The following MYO16 variants were observed in gnomAD, a reference collection of about 807,000 sequenced individuals.
MYO16 encodes the protein myosin XVI.
MYO16 carries 94 observed loss-of-function variants against 205.3 expected under a neutral mutation model. The ratio of observed to expected loss-of-function variants is 0.46; its 90% CI spans 0.39 to 0.54. The LOEUF (loss-of-function observed/expected upper bound fraction) is 0.54, where lower values mean the gene tolerates loss of function less well. MYO16 is among the 20% of genes least tolerant of loss of function. The probability of loss-of-function intolerance (pLI) is 0.00; values close to 1 mark genes in which losing one functional copy is unlikely to be tolerated. For missense variants in MYO16, 2,315 were observed against 2,387.5 expected (o/e 0.97, Z 0.63); for synonymous variants, 988 against 954.0 (o/e 1.04, Z -0.66).
At chr13:108,600,158 G>A (rs1878711636) in intron 1 of MYO16, among the ~76,000 whole-genome samples, 1 of 152,228 alleles carries the variant, frequency 6.6e-6, no homozygotes, top group African/African-American at 2.4e-5. Context: ...CAAAACTTTT[G>A]CCAACACTGC....
chr13:108,885,985 G>T lies in MYO16; in HGVS notation c.1554-2387G>T, dbSNP rs77078022. On this transcript the variant is annotated intron_variant, in intron 13 of 34. Transcript: ENST00000457511. ...TTCTGCAGAACTAGTTTTGCTTTGG[G>T]TCTTTTTTTTTTTGATATGGAGTCT... Among the ~76,000 whole-genome samples the T allele has an allele frequency of 3.1e-3, 469 of 151,918 alleles. 2 individuals are homozygous for T. The highest frequency in any genetic ancestry group is 0.011 in the African/African-American group (443 of 41,486).
At chr13:108,859,269 G>A (rs982756300) in intron 11 of MYO16, among the ~76,000 whole-genome samples, 1 of 151,946 alleles carries the variant, frequency 6.6e-6, no homozygotes, top group East Asian at 1.9e-4. Context: ...TCACTGCTAT[G>A]TATGACCCAT....
chr13:108,605,341 A>T (rs997749368), intron 1 of MYO16, among the ~76,000 whole-genome samples: 2 of 152,124 alleles, frequency 1.3e-5, no homozygotes, highest in East Asian at 1.9e-4. Flanking sequence ...GTGAAAAAAA[A>T]TCCCTTCCAA....
At chr13:108,785,521 A>G (rs1368099517) in intron 4 of MYO16, 114 bp from the exon 5 acceptor site, 1 of 526,786 alleles carries the variant, frequency 1.9e-6, no homozygotes, top group Non-Finnish European at 3.2e-6. Flanking sequence ...TCAGGGTGAT[A>G]TCTACCGTAG....
At chr13:108,668,840 A>G (rs1881858084) in intron 2 of MYO16, among the ~76,000 whole-genome samples, 2 of 152,126 alleles carry the variant, frequency 1.3e-5, no homozygotes, top group South Asian at 2.1e-4. Context: ...ATCATCTTGC[A>G]TAGCCGCAGA....
In MYO16 at chr13:109,055,004, C is replaced by A; in HGVS notation, c.3049-42C>A. On this transcript the variant is annotated intron_variant, in intron 25 of 34. Coordinates refer to ENST00000457511, the MANE Select transcript of MYO16 (RefSeq NM_001198950.3). The surrounding 1 kb of genome is among the most constrained non-coding windows in gnomAD (Gnocchi z 5.0). ...CTCCTTCTTCCTTTCCTTTCCTTTCCTTTCTTTTCTCCTGTCCTTCTTGTC... is the reference window on the plus strand; with the variant it reads ...CTCCTTCTTCCTTTCCTTTCCTTTCATTTCTTTTCTCCTGTCCTTCTTGTC... 7.9e-7 allele frequency: 1 copy of A among 1,271,284 alleles called. No homozygotes were observed. The highest frequency in any genetic ancestry group is 1.1e-6 in the Non-Finnish European group (1 of 916,886). 78.8% of individuals were successfully genotyped at this position (1,271,284 alleles called of 1,614,324 possible).
At chr13:108,874,177 G>A (rs948219108) in intron 12 of MYO16, among the ~76,000 whole-genome samples, 6 of 151,166 alleles carry the variant, frequency 4.0e-5, no homozygotes, top group Non-Finnish European at 8.8e-5. Context: ...CAAGTCAAGA[G>A]GTTAGAAGGG....
At chr13:108,720,367 A>T (rs1234457182) in intron 3 of MYO16, among the ~76,000 whole-genome samples, 1 of 152,076 alleles carries the variant, frequency 6.6e-6, no homozygotes. Flanking sequence ...AATAAATTTA[A>T]ATTTATTTTG....
intron 13 of MYO16, among the ~76,000 whole-genome samples, chr13:108,884,346 C>T (rs537321725): frequency 3.9e-5 from 6 of 152,344 alleles, no homozygotes; most frequent in Admixed American, 6.5e-5. Flanking sequence ...CGGTTGTTTT[C>T]GTGCTGGGTT....
chr13:108,583,491 C>T, the MYO16 span, among the ~76,000 whole-genome samples: 1 of 152,022 alleles, frequency 6.6e-6, no homozygotes, highest in Non-Finnish European at 1.5e-5. Flanking sequence ...CCTCATATTT[C>T]AATAGTAGGA....
intron 4 of MYO16, among the ~76,000 whole-genome samples, chr13:108,773,993 T>C (rs1383902394): frequency 6.6e-6 from 1 of 152,054 alleles, no homozygotes; most frequent in Non-Finnish European, 1.5e-5. Context: ...TGGGAGTCTG[T>C]GGCAGGAGAA....
the MYO16 span, among the ~76,000 whole-genome samples, chr13:108,564,793 T>C: frequency 6.6e-6 from 1 of 152,338 alleles, no homozygotes; most frequent in East Asian, 1.9e-4. Flanking sequence ...AGGTCTTATA[T>C]TTAAGTCTTT....
chr13:108,698,730 G>C (rs1176204152), intron 2 of MYO16, among the ~76,000 whole-genome samples: 1 of 152,172 alleles, frequency 6.6e-6, no homozygotes, highest in Non-Finnish European at 1.5e-5. Flanking sequence ...CAGAAGCTTT[G>C]CTTCTAAAGC....
At chr13:108,928,720 T>G (rs1882120281) in intron 16 of MYO16, among the ~76,000 whole-genome samples, 1 of 152,184 alleles carries the variant, frequency 6.6e-6, no homozygotes. Context: ...GGAATGGACC[T>G]AAAGCTGTAT....
chr13:108,585,785 C>G, the MYO16 span, among the ~76,000 whole-genome samples: 1 of 152,114 alleles, frequency 6.6e-6, no homozygotes, highest in Admixed American at 6.6e-5. Flanking sequence ...GTTTATATGA[C>G]ATGACTCCCT....
intron 16 of MYO16, among the ~76,000 whole-genome samples, chr13:108,915,318 C>T (rs1174307433): frequency 6.6e-6 from 1 of 152,114 alleles, no homozygotes; most frequent in Non-Finnish European, 1.5e-5. Flanking sequence ...TGGAATTCCA[C>T]AAGATGGCGA....
At chr13:108,990,715 G>T (rs1394493058) in intron 20 of MYO16, among the ~76,000 whole-genome samples, 1 of 151,900 alleles carries the variant, frequency 6.6e-6, no homozygotes, top group Non-Finnish European at 1.5e-5. Flanking sequence ...CGTGAAATTT[G>T]TACGAAGGCT....
At chr13:108,613,360 T>C (rs777352909) in intron 1 of MYO16, among the ~76,000 whole-genome samples, 1 of 152,172 alleles carries the variant, frequency 6.6e-6, no homozygotes, top group African/African-American at 2.4e-5. Context: ...CTAAAATTTA[T>C]CTTTACTTGT....
chr13:108,720,707 G>C (rs780165702), intron 3 of MYO16, among the ~76,000 whole-genome samples: 1 of 152,104 alleles, frequency 6.6e-6, no homozygotes, highest in East Asian at 1.9e-4. Context: ...TGACTGCTCC[G>C]TAACCACTAC....
Sources: gnomAD v4.1 joint callset for allele counts (sites outside exome capture counted in the v4.1 genomes callset) on GRCh38, gnomAD v4.1.1 for gene constraint, Gnocchi (gnomAD v3.1) non-coding constraint, MANE v1.5 for transcripts, NCBI Gene and HGNC (gene_info 2026-07-23, HGNC 2026-07-21) for gene names.